The following NPBWR2 variants were observed in gnomAD, a reference collection of about 807,000 sequenced individuals.
The protein encoded by NPBWR2 is neuropeptides B and W receptor 2, also known as neuropeptides B/W receptor type 2.
For missense variants in NPBWR2, 390 were observed against 458.2 expected (o/e 0.85, Z 1.36); for synonymous variants, 207 against 223.5 (o/e 0.93, Z 0.66).
rs1214390724 is a variant in NPBWR2 at position 64,104,315 on chromosome 20, C to G, written c.*1515G>C. Among the ~76,000 whole-genome samples, 1 of 152,212 alleles carries G rather than the reference C, an allele frequency of 6.6e-6. No homozygotes were observed. On this transcript the variant is annotated 3_prime_UTR_variant, in exon 2 of 2. Transcript: ENST00000684052. ...GGCTGATTACAAGCCCCTGGCCACA[C>G]CCCGGGAGAGAGAGTTCCAGGTGCC...
Position 64,107,073 on chromosome 20 carries a change from C to A in NPBWR2, c.-91-151G>T, listed in dbSNP as rs568058854. On this transcript the variant is annotated intron_variant, in intron 1 of 1. Transcript: ENST00000684052. This position sits in a 1 kb window ranked among gnomAD's most constrained non-coding sequence, Gnocchi z 6.3. ...GGTGGGGTGTGTGGGGGCCTCCTCCCGCCTCTTCCTGGTGAGACTTCAGCA... is the reference window on the plus strand; with the variant it reads ...GGTGGGGTGTGTGGGGGCCTCCTCCAGCCTCTTCCTGGTGAGACTTCAGCA... 9.9e-6 allele frequency: 6 copies of A among 603,830 alleles called. No individual in the cohort carries two copies. The highest frequency in any genetic ancestry group is 1.8e-5 in the Non-Finnish European group (6 of 332,444). The allele number at this position is 603,830 out of a possible 1,614,324, so 37.4% of individuals were successfully genotyped here. A position where few individuals can be genotyped will look rare whatever the true frequency, so the allele number is the denominator to read the frequency against.
In NPBWR2 at chr20:64,107,181, C is replaced by T. The variant is rs998423182; in HGVS notation, c.-92+183G>A. 1.3e-5 allele frequency: 5 copies of T among 377,206 alleles called. No homozygotes were observed. The highest frequency in any genetic ancestry group is 8.4e-5 in the Admixed American group (2 of 23,920). 23.4% of individuals were successfully genotyped at this position (377,206 alleles called of 1,614,324 possible). On this transcript the variant is annotated intron_variant, in intron 1 of 1. Coordinates refer to ENST00000684052, the MANE Select transcript of NPBWR2 (RefSeq NM_005286.4). This position sits in a 1 kb window ranked among gnomAD's most constrained non-coding sequence, Gnocchi z 6.3. ...TGGATCCGTCCCTGCCCCAGCAACCCGCAGATGCACGGGCTGCGTAGAATC... is the reference window on the plus strand; with the variant it reads ...TGGATCCGTCCCTGCCCCAGCAACCTGCAGATGCACGGGCTGCGTAGAATC...
In NPBWR2 at chr20:64,106,506, T is replaced by A. The variant is rs535564502; in HGVS notation, c.326A>T (p.Tyr109Phe). 1.9e-6 allele frequency: 3 copies of A among 1,612,588 alleles called. No individual in the cohort carries two copies. The South Asian group carries it at 3.3e-5, about 18-fold the overall frequency. The change falls in exon 2 of 2, where the codon TAC becomes TTC. Residue 109 changes from tyrosine to phenylalanine, a missense_variant. Coordinates refer to ENST00000684052, the MANE Select transcript of NPBWR2 (RefSeq NM_005286.4). This position sits in a 1 kb window ranked among gnomAD's most constrained non-coding sequence, Gnocchi z 9.5. ...GCAGAGCAGCTCCCCGAAGGGCCAG[T>A]ACTGCAGCAGGTGCTCCGCGATGTT... is the stretch of plus-strand genomic sequence containing the variant. ...PVNIAEHLLQ[Y>F]WPFGELLCKL...
rs2145640846 is a variant in NPBWR2 at position 64,105,506 on chromosome 20, GGTGGGGGTGGGC to G, written c.*312_*323del. Among the ~76,000 whole-genome samples the G allele has an allele frequency of 1.4e-5, 1 of 73,908 alleles. No homozygotes were observed. The highest frequency in any genetic ancestry group is 3.9e-4 in the East Asian group (1 of 2,540). The allele number at this position is 73,908 out of a possible 152,430, so 48.5% of individuals were successfully genotyped here. The stretch of plus-strand genomic sequence containing the variant: ...CCCCTGAAAGAGACAGCCGGAACTG[GGTGGGGGTGGGC>G]GTGATGATGGGGGTGATGGTGGGGG... On this transcript the variant is annotated 3_prime_UTR_variant, in exon 2 of 2. Coordinates refer to ENST00000684052, the MANE Select transcript of NPBWR2 (RefSeq NM_005286.4).
At position 64,106,173 on chromosome 20, in the gene NPBWR2, C is replaced by G; in HGVS notation, c.659G>C (p.Gly220Ala). 1 of 1,612,614 alleles carries G rather than the reference C, an allele frequency of 6.2e-7. No individual in the cohort carries two copies. The highest frequency in any genetic ancestry group is 8.5e-7 in the Non-Finnish European group (1 of 1,179,866). ...KASRVYTLVL[G>A]FVLPVCTICV... ...GATGGTGCACACGGGCAGCACGAAG[C>G]CCAGGACCAACGTGTAGACACGGCT... Residue 220 changes from glycine to alanine, a missense_variant, in exon 2 of 2, where the codon GGC becomes GCC. By Grantham distance (60) the Gly-to-Ala change is moderately conservative (BLOSUM62 0). Coordinates refer to ENST00000684052, the MANE Select transcript of NPBWR2 (RefSeq NM_005286.4). This position sits in a 1 kb window ranked among gnomAD's most constrained non-coding sequence, Gnocchi z 9.5.
At position 64,105,781 on chromosome 20, in the gene NPBWR2, T is replaced by TG; in HGVS notation, c.*48dup. 3.4e-6 allele frequency: 4 copies of TG among 1,177,024 alleles called. No homozygotes were observed. Among genetic ancestry groups the TG allele is most frequent in the Non-Finnish European group, 4.5e-6 (4 of 898,184 alleles). 72.9% of individuals were successfully genotyped at this position (1,177,024 alleles called of 1,614,324 possible). A position where few individuals can be genotyped will look rare whatever the true frequency, so the allele number is the denominator to read the frequency against. On this transcript the variant is annotated 3_prime_UTR_variant, in exon 2 of 2. Transcript: ENST00000684052. ...ATGATGATGATGGGCGTGATGATGA[T>TG]GGGGGGTGATGATGGGCATGATGAT...
In NPBWR2 at chr20:64,105,664, TG is replaced by T; in HGVS notation, c.*165del. Among the ~76,000 whole-genome samples the T allele has an allele frequency of 1.9e-5, 1 of 51,946 alleles. No homozygotes were observed. Among genetic ancestry groups the T allele is most frequent in the African/African-American group, 8.3e-5 (1 of 12,020 alleles). The allele number at this position is 51,946 out of a possible 152,430, so 34.1% of individuals were successfully genotyped here. A position where few individuals can be genotyped will look rare whatever the true frequency, so the allele number is the denominator to read the frequency against. ...ATGGTGGATGTGATGGGGGTGGGCA[TG>T]ATGATGGGCGTGATGATGGGGGTGG... is the stretch of plus-strand genomic sequence containing the variant. On this transcript the variant is annotated 3_prime_UTR_variant, in exon 2 of 2. Transcript: ENST00000684052.
In NPBWR2 at chr20:64,105,689, G is replaced by GAT. The variant is rs1979977645; in HGVS notation, c.*140_*141insAT. 12 of 374,556 alleles carry GAT rather than the reference G, an allele frequency of 3.2e-5. No individual in the cohort carries two copies. The African/African-American group carries it at 3.5e-4, about 11-fold the overall frequency. 23.2% of individuals were successfully genotyped at this position (374,556 alleles called of 1,614,324 possible). ...TGATGATGGGCGTGATGATGGGGGT[G>GAT]GTGGTGGGGGTGATGGTGGGGGTGG... On this transcript the variant is annotated 3_prime_UTR_variant, in exon 2 of 2. Transcript: ENST00000684052.
In NPBWR2 at chr20:64,107,034, G is replaced by T. The variant is rs980648734; in HGVS notation, c.-91-112C>A. On this transcript the variant is annotated intron_variant, in intron 1 of 1. Transcript: ENST00000684052. The surrounding 1 kb of genome is among the most constrained non-coding windows in gnomAD (Gnocchi z 6.3). Reference sequence around the variant, plus strand: ...CACTTTGCCAGGTCAAGGACATGGGGCCAGAGGGAGCCTGGTGGGGTGTGT... The same window carrying T: ...CACTTTGCCAGGTCAAGGACATGGGTCCAGAGGGAGCCTGGTGGGGTGTGT... The T allele has an allele frequency of 1.5e-6, 1 of 647,462 alleles. No individual in the cohort carries two copies. The highest frequency in any genetic ancestry group is 2.7e-6 in the Non-Finnish European group (1 of 368,586). The allele number at this position is 647,462 out of a possible 1,614,324, so 40.1% of individuals were successfully genotyped here.
In NPBWR2 at chr20:64,105,903, C is replaced by T. The variant is rs1980008710; in HGVS notation, c.929G>A (p.Cys310Tyr). The T allele has an allele frequency of 2.5e-6, 4 of 1,608,430 alleles. No individual in the cohort carries two copies. The highest frequency in any genetic ancestry group is 3.4e-6 in the Non-Finnish European group (4 of 1,177,460). The change falls in exon 2 of 2, where the codon TGC (cysteine) becomes TAC (tyrosine). Residue 310 changes from cysteine (C) to tyrosine (Y), a missense_variant. By Grantham distance (194) the Cys-to-Tyr change is radical (BLOSUM62 -2). Coordinates refer to ENST00000684052, the MANE Select transcript of NPBWR2 (RefSeq NM_005286.4). The part of the protein sequence containing the change: ...VITSLSYANS[C>Y]LNPFLYAFLD... ...AAAGGCGTAGAGGAAGGGGTTCAGG[C>T]ACGAGTTGGCGTAGCTGAGGCTGGT...
rs1316023532 is a variant in NPBWR2 at position 64,105,463 on chromosome 20, T to C, written c.*367A>G. On this transcript the variant is annotated 3_prime_UTR_variant, in exon 2 of 2. Transcript: ENST00000684052. Reference sequence around the variant, plus strand: ...TTGCGTGGAGAGGACAGCACTGGGATGTGAACAGGCCGGGCGTCCCCTGAA... The same window carrying C: ...TTGCGTGGAGAGGACAGCACTGGGACGTGAACAGGCCGGGCGTCCCCTGAA... 8.5e-6 allele frequency among the ~76,000 whole-genome samples: 1 copy of C among 118,098 alleles called. No individual in the cohort carries two copies. The highest frequency in any genetic ancestry group is 1.7e-5 in the Non-Finnish European group (1 of 58,212). 77.5% of individuals were successfully genotyped at this position (118,098 alleles called of 152,430 possible).
rs1980002308 is a variant in NPBWR2 at position 64,105,806 on chromosome 20, T to TGGGCGTGACGATGGGGGTAATGGG, written c.*23_*24insCCCATTACCCCCATCGTCACGCCC. 1 of 1,502,680 alleles carries TGGGCGTGACGATGGGGGTAATGGG rather than the reference T, an allele frequency of 6.7e-7. No individual in the cohort carries two copies. 93.1% of individuals were successfully genotyped at this position (1,502,680 alleles called of 1,614,324 possible). A position where few individuals can be genotyped will look rare whatever the true frequency, so the allele number is the denominator to read the frequency against. On this transcript the variant is annotated 3_prime_UTR_variant, in exon 2 of 2. Coordinates refer to ENST00000684052, the MANE Select transcript of NPBWR2 (RefSeq NM_005286.4). ...TGGGGGGTGATGATGGGCATGATGA[T>TGGGCGTGACGATGGGGGTAATGGG]GGGGGTGATGGTGCCCAGGCCCTTC...
At position 64,105,748 on chromosome 20, in the gene NPBWR2, G is replaced by T; in HGVS notation, c.*82C>A. 1 of 1,031,836 alleles carries T rather than the reference G, an allele frequency of 9.7e-7. No individual in the cohort carries two copies. Among genetic ancestry groups the T allele is most frequent in the Non-Finnish European group, 1.3e-6 (1 of 750,930 alleles). The allele number at this position is 1,031,836 out of a possible 1,614,324, so 63.9% of individuals were successfully genotyped here. ...GTGGGGGGGGGTGGGCCTGATGGGGGTGTGGGCATGATGATGATGGGCGTG... is the reference window on the plus strand; with the variant it reads ...GTGGGGGGGGGTGGGCCTGATGGGGTTGTGGGCATGATGATGATGGGCGTG... On this transcript the variant is annotated 3_prime_UTR_variant, in exon 2 of 2. Transcript: ENST00000684052.
At position 64,106,377 on chromosome 20, in the gene NPBWR2, G is replaced by T. The variant is rs1187606446; in HGVS notation, c.455C>A (p.Ser152Tyr). 1.9e-6 allele frequency: 3 copies of T among 1,612,702 alleles called. No individual in the cohort carries two copies. The highest frequency in any genetic ancestry group is 3.3e-5 in the Admixed American group (2 of 59,994). Residue 152 changes from serine to tyrosine, a missense_variant, in exon 2 of 2, where the codon TCC becomes TAC. Coordinates refer to ENST00000684052, the MANE Select transcript of NPBWR2 (RefSeq NM_005286.4). This position sits in a 1 kb window ranked among gnomAD's most constrained non-coding sequence, Gnocchi z 9.5. ...GTAGGTGCGCCAGGGCATGTGGCGG[G>T]ACCTCACGGTGGCCAGCACCACCAG... The part of the protein sequence containing the change: ...RYLVVLATVR[S>Y]RHMPWRTYRG...
rs954971804 is a variant in NPBWR2 at position 64,104,281 on chromosome 20, G to C, written c.*1549C>G. Among the ~76,000 whole-genome samples the C allele has an allele frequency of 1.3e-5, 2 of 152,160 alleles. No individual in the cohort carries two copies. Among genetic ancestry groups the C allele is most frequent in the Non-Finnish European group, 2.9e-5 (2 of 68,018 alleles). The stretch of plus-strand genomic sequence containing the variant: ...GCCCCCACCAGAGTTTCAGCATGCA[G>C]CTCCTGCTGGCTGATTACAAGCCCC... On this transcript the variant is annotated 3_prime_UTR_variant, in exon 2 of 2. Transcript: ENST00000684052.
In NPBWR2 at chr20:64,105,777, A is replaced by ATGGGGGTGGGGGGGGTGGGCC; in HGVS notation, c.*52_*53insGGCCCACCCCCCCCACCCCCA. The stretch of plus-strand genomic sequence containing the variant: ...GGGCATGATGATGATGGGCGTGATG[A>ATGGGGGTGGGGGGGGTGGGCC]TGATGGGGGGTGATGATGGGCATGA... On this transcript the variant is annotated 3_prime_UTR_variant, in exon 2 of 2. Coordinates refer to ENST00000684052, the MANE Select transcript of NPBWR2 (RefSeq NM_005286.4). 2 of 1,187,396 alleles carry ATGGGGGTGGGGGGGGTGGGCC rather than the reference A, an allele frequency of 1.7e-6. No homozygotes were observed. The highest frequency in any genetic ancestry group is 2.2e-6 in the Non-Finnish European group (2 of 907,222). The allele number at this position is 1,187,396 out of a possible 1,614,324, so 73.6% of individuals were successfully genotyped here.
Position 64,104,214 on chromosome 20 carries a change from C to T in NPBWR2, c.*1616G>A, listed in dbSNP as rs4809397. The stretch of plus-strand genomic sequence containing the variant: ...CTGGCCCCTCCCACCTGACAGTCAG[C>T]GGTCTCTGAACTGCCTGCATTTCAT... On this transcript the variant is annotated 3_prime_UTR_variant, in exon 2 of 2. Coordinates refer to ENST00000684052, the MANE Select transcript of NPBWR2 (RefSeq NM_005286.4). Among the ~76,000 whole-genome samples the T allele has an allele frequency of 0.92, 140,207 of 152,234 alleles. 64,603 individuals are homozygous for T. The highest frequency in any genetic ancestry group is 0.96 in the Middle Eastern group (282 of 294).
Position 64,106,534 on chromosome 20 carries a change from CG to C in NPBWR2, c.297del (p.Val100SerfsTer36). ...TGCAGCAGGTGCTCCGCGATGTTGA[CG>C]GGCAGTACCAGCGTGAAGAGCCCGT... ...VADGLFTLVL[P>X]VNIAEHLLQY... On this transcript the variant is annotated frameshift_variant, in exon 2 of 2. Transcript: ENST00000684052. LOFTEE classifies it low-confidence loss of function (END_TRUNC). The surrounding 1 kb of genome is among the most constrained non-coding windows in gnomAD (Gnocchi z 9.5). 6.2e-7 allele frequency: 1 copy of C among 1,612,242 alleles called. No individual in the cohort carries two copies. The highest frequency in any genetic ancestry group is 8.5e-7 in the Non-Finnish European group (1 of 1,179,950).
Position 64,106,282 on chromosome 20 carries a change from A to G in NPBWR2, c.550T>C (p.Phe184Leu). 1 of 1,612,768 alleles carries G rather than the reference A, an allele frequency of 6.2e-7. No individual in the cohort carries two copies. Among genetic ancestry groups the G allele is most frequent in the Non-Finnish European group, 8.5e-7 (1 of 1,179,984 alleles). ...VTVLVLPFFSFAGVYSNELQV... is the reference protein window; with the variant it reads ...VTVLVLPFFSLAGVYSNELQV... ...AGCTCGTTGCTGTAGACGCCAGCGA[A>G]AGAGAAGAAGGGCAGAACCAGGACC... The change falls in exon 2 of 2, where the codon TTC (phenylalanine) becomes CTC (leucine). Residue 184 changes from phenylalanine to leucine, a missense_variant. Coordinates refer to ENST00000684052, the MANE Select transcript of NPBWR2 (RefSeq NM_005286.4). This position sits in a 1 kb window ranked among gnomAD's most constrained non-coding sequence, Gnocchi z 9.5.
Sources: allele counts gnomAD v4.1 joint callset (sites outside exome capture counted in the v4.1 genomes callset), GRCh38; gene constraint gnomAD v4.1.1; non-coding constraint Gnocchi (gnomAD v3.1); transcripts MANE v1.5; gene names NCBI Gene and HGNC (gene_info 2026-07-23, HGNC 2026-07-21).